CATSPER3: variants seen among roughly 807,000 people sequenced by gnomAD.
The protein encoded by CATSPER3 is cation channel sperm-associated protein 3.
A neutral mutation model predicts 36.6 loss-of-function variants in CATSPER3; 23 were observed. The ratio of observed to expected loss-of-function variants is 0.63; its 90% CI spans 0.45 to 0.89. The LOEUF (loss-of-function observed/expected upper bound fraction) is 0.89, where lower values mean the gene tolerates loss of function less well. CATSPER3 is among the 40% of genes least tolerant of loss of function. The pLI is 0.00. For synonymous variants in CATSPER3, 172 were observed against 184.1 expected, an observed-to-expected ratio of 0.93 and a Z score of 0.53; for missense variants, 474 against 503.9, an observed-to-expected ratio of 0.94 and a Z score of 0.57.
chr5:134,968,267 T>G (rs929548327), intron 1 of CATSPER3, 178 bp downstream of exon 1: 2 of 631,710 alleles, frequency 3.2e-6, no homozygotes, highest in African/African-American at 1.8e-5. Context: ...ATTACCTTTA[T>G]GTGCCCTGTA....
At position 134,968,068 on chromosome 5, in the gene CATSPER3, G is replaced by A. The variant is rs1189550922; in HGVS notation, c.77G>A (p.Cys26Tyr). Residue 26 changes from cysteine to tyrosine, a missense_variant, in exon 1 of 8, where the codon TGC (cysteine) becomes TAC (tyrosine). Cys to Tyr is a radical substitution (Grantham distance 194). Coordinates refer to ENST00000282611, the MANE Select transcript of CATSPER3 (RefSeq NM_178019.3). ...SPVDTTSVGFCPTFKKFKRND... is the reference protein window; with the variant it reads ...SPVDTTSVGFYPTFKKFKRND... Reference sequence around the variant, plus strand: ...GTTGACACTACATCGGTGGGATTTTGCCCAACATTCAAGAAATTTAAGTAA... The same window carrying A: ...GTTGACACTACATCGGTGGGATTTTACCCAACATTCAAGAAATTTAAGTAA... 3.1e-6 allele frequency: 5 copies of A among 1,612,750 alleles called. No homozygotes were observed. Among genetic ancestry groups the A allele is most frequent in the East Asian group, 2.2e-5 (1 of 44,884 alleles).
intron 2 of CATSPER3, among the ~76,000 whole-genome samples, chr5:134,985,804 T>G (rs1003195627): frequency 6.6e-6 from 1 of 150,768 alleles, no homozygotes; most frequent in African/African-American, 2.4e-5. Flanking sequence ...GAGGCTGATG[T>G]GGGAGGATCA....
intron 2 of CATSPER3, among the ~76,000 whole-genome samples, chr5:134,978,043 A>G (rs1410554802): frequency 2.0e-5 from 3 of 151,974 alleles, no homozygotes; most frequent in African/African-American, 4.8e-5. Flanking sequence ...GATCCAGTCA[A>G]CTCCTGCTGG....
chr5:134,973,177 C>T (rs897811624), intron 2 of CATSPER3, among the ~76,000 whole-genome samples: 2 of 152,116 alleles, frequency 1.3e-5, no homozygotes, highest in Non-Finnish European at 2.9e-5. Context: ...GAAGCATCAA[C>T]ATTAGGACTG....
chr5:134,972,988 T>G (rs1025584894), intron 2 of CATSPER3, among the ~76,000 whole-genome samples: 1 of 152,168 alleles, frequency 6.6e-6, no homozygotes, highest in Non-Finnish European at 1.5e-5. Context: ...AGTTACATAT[T>G]TAAGATACTT....
chr5:135,004,600 C>G (rs1752062037), intron 3 of CATSPER3, among the ~76,000 whole-genome samples: 1 of 152,112 alleles, frequency 6.6e-6, no homozygotes, highest in Admixed American at 6.5e-5. Flanking sequence ...AGGTGTTGGG[C>G]ACCAAGGGAG....
chr5:134,970,026 G>A lies in CATSPER3; in HGVS notation c.186G>A (p.Ser62=), dbSNP rs536922872. 11 of 1,614,072 alleles carry A rather than the reference G, an allele frequency of 6.8e-6. No homozygotes were observed. Among genetic ancestry groups the A allele is most frequent in the South Asian group, 2.2e-5 (2 of 91,068 alleles). Residue 62 remains serine (S), a synonymous_variant, in exon 2 of 8, where the codon TCG becomes TCA. Transcript: ENST00000282611. ...TAATTATGATTAGCACTGTCACATC[G>A]AATGCGTTTTTTATGGCCTTGTGGA... ...FKIIMISTVT[S]NAFFMALWTS...
intron 3 of CATSPER3, among the ~76,000 whole-genome samples, chr5:135,006,262 C>T (rs1425188347): frequency 3.9e-5 from 6 of 152,200 alleles, no homozygotes; most frequent in African/African-American, 1.2e-4. Flanking sequence ...CCCAGGAGAG[C>T]GTGTCTGTTC....
At chr5:134,978,697 AAGTT>A (rs1409643662) in intron 2 of CATSPER3, among the ~76,000 whole-genome samples, 2 of 152,166 alleles carry the variant, frequency 1.3e-5, no homozygotes, top group South Asian at 2.1e-4. Context: ...TATATTTTAA[AAGTT>A]AGGAAAGTTT....
intron 3 of CATSPER3, among the ~76,000 whole-genome samples, chr5:134,999,112 A>G (rs1751989502): frequency 6.6e-6 from 1 of 151,822 alleles, no homozygotes; most frequent in Non-Finnish European, 1.5e-5. Flanking sequence ...GAAGGGATCC[A>G]GTTTCAGCTT....
At chr5:134,999,521 T>C (rs1323817324) in intron 3 of CATSPER3, among the ~76,000 whole-genome samples, 3 of 152,244 alleles carry the variant, frequency 2.0e-5, no homozygotes, top group Admixed American at 6.5e-5. Flanking sequence ...TTTCACGATA[T>C]TGATTCTTCC....
intron 2 of CATSPER3, among the ~76,000 whole-genome samples, chr5:134,980,521 C>G (rs1415044905): frequency 1.3e-5 from 2 of 150,440 alleles, no homozygotes; most frequent in African/African-American, 4.9e-5. Flanking sequence ...ACCTCCAGCT[C>G]CCTGGTTCAA....
intron 2 of CATSPER3, 30 bp downstream of exon 2, chr5:134,970,122 C>CT (rs753741807): frequency 2.4e-5 from 39 of 1,596,612 alleles, no homozygotes; most frequent in African/African-American, 4.0e-5. Flanking sequence ...CCATTTTCTT[C>CT]TTTTTTTAAA....
At chr5:134,981,597 G>C (rs1306724316) in intron 2 of CATSPER3, among the ~76,000 whole-genome samples, 3 of 152,116 alleles carry the variant, frequency 2.0e-5, no homozygotes, top group African/African-American at 7.2e-5. Flanking sequence ...TGCAAAAATA[G>C]TTTAGAAAAG....
chr5:134,969,507 C>G, intron 1 of CATSPER3: 1 of 181,322 alleles, frequency 5.5e-6, no homozygotes, highest in Non-Finnish European at 1.2e-5. Context: ...TTTTTTATTA[C>G]TGATGTGAGC....
intron 2 of CATSPER3, among the ~76,000 whole-genome samples, chr5:134,989,639 T>TG (rs1751855176): frequency 6.6e-6 from 1 of 152,230 alleles, no homozygotes; most frequent in African/African-American, 2.4e-5. Context: ...ATTAGGGCCT[T>TG]GCTCTGGATT....
At chr5:134,981,804 A>G (rs1025268197) in intron 2 of CATSPER3, among the ~76,000 whole-genome samples, 1 of 152,226 alleles carries the variant, frequency 6.6e-6, no homozygotes, top group Admixed American at 6.5e-5. Context: ...AAACCCAGTC[A>G]TTGGAATTAC....
intron 2 of CATSPER3, among the ~76,000 whole-genome samples, chr5:134,975,594 C>T (rs1751663874): frequency 6.6e-6 from 1 of 152,178 alleles, no homozygotes; most frequent in Non-Finnish European, 1.5e-5. Context: ...AGCTGGATGA[C>T]AGAGTGAGAC....
intron 2 of CATSPER3, among the ~76,000 whole-genome samples, chr5:134,983,368 C>A (rs1751771279): frequency 6.6e-6 from 1 of 152,092 alleles, no homozygotes; most frequent in Admixed American, 6.6e-5. Flanking sequence ...AACCCCATCT[C>A]TACTAAAAAT....
Sources: allele counts gnomAD v4.1 joint callset (sites outside exome capture counted in the v4.1 genomes callset), GRCh38; gene constraint gnomAD v4.1.1; transcripts MANE v1.5; gene names NCBI Gene and HGNC (gene_info 2026-07-23, HGNC 2026-07-21).